The following PTGR2 variants were observed in gnomAD, a reference collection of about 807,000 sequenced individuals.
PTGR2 encodes the protein prostaglandin reductase 2, also known as 15-oxoprostaglandin 13-reductase.
A neutral mutation model predicts 43.4 loss-of-function variants in PTGR2; 32 were observed. The observed-to-expected ratio is 0.74, with a 90% CI of 0.56 to 0.99. PTGR2 has a LOEUF of 0.99. Among genes scored for constraint, PTGR2 ranks in the 50% least tolerant of loss-of-function variants. The pLI is 0.00. For synonymous variants in PTGR2, 106 were observed against 139.2 expected (o/e 0.76, Z 1.68); for missense variants, 373 against 420.0 (o/e 0.89, Z 0.98).
At chr14:73,856,432 G>A (rs1339155194) in intron 1 of PTGR2, among the ~76,000 whole-genome samples, 1 of 151,752 alleles carries the variant, frequency 6.6e-6, no homozygotes, top group Non-Finnish European at 1.5e-5. Context: ...TGTATTTTTA[G>A]TAGAGACAGG....
At chr14:73,880,600 A>AAC (rs2054962457) in intron 7 of PTGR2, among the ~76,000 whole-genome samples, 1 of 88,492 alleles carries the variant, frequency 1.1e-5, no homozygotes, top group Non-Finnish European at 2.9e-5. Flanking sequence ...AAAAAAAAAA[A>AAC]CAAAAAAAAA....
chr14:73,873,939 A>AT (rs750355771), intron 3 of PTGR2, 84 bp from the exon 4 acceptor site: 5 of 1,029,336 alleles, frequency 4.9e-6, no homozygotes, highest in Non-Finnish European at 7.1e-6. Context: ...TATATTACTC[A>AT]TTATATGCTT....
At chr14:73,871,997 C>T (rs887024728) in intron 3 of PTGR2, among the ~76,000 whole-genome samples, 3 of 152,128 alleles carry the variant, frequency 2.0e-5, no homozygotes, top group African/African-American at 7.2e-5. Context: ...GTCTTTTACC[C>T]GTTTTACCTG....
intron 1 of PTGR2, among the ~76,000 whole-genome samples, chr14:73,857,442 G>T (rs1182375467): frequency 1.3e-5 from 2 of 151,302 alleles, no homozygotes; most frequent in Non-Finnish European, 2.9e-5. Context: ...GTGAAACCCT[G>T]TCTCTACTAA....
chr14:73,866,348 A>C (rs11625300), intron 3 of PTGR2, among the ~76,000 whole-genome samples: 60,064 of 151,224 alleles, frequency 0.4, 12,566 homozygotes, highest in Non-Finnish European at 0.46. Context: ...CATGTTGGCC[A>C]GGATGGTCTT....
chr14:73,881,250 C>T lies in PTGR2; in HGVS notation c.897C>T (p.Gly299=), dbSNP rs751360490. ...VLNYKDKFEP[G]ILQLSQWFKE... ...ATTATAAAGACAAATTTGAGCCTGG[C>T]ATTCTACAGCTGAGTCAGTGGTTTA... The change falls in exon 8 of 10, where the codon GGC becomes GGT. Residue 299 remains glycine (G), a synonymous_variant. Coordinates refer to ENST00000555661, the MANE Select transcript of PTGR2 (RefSeq NM_001146154.2). 6.2e-7 allele frequency: 1 copy of T among 1,610,084 alleles called. No homozygotes were observed. Among genetic ancestry groups the T allele is most frequent in the Non-Finnish European group, 8.5e-7 (1 of 1,176,670 alleles).
At chr14:73,865,880 A>AT (rs1050822853) in intron 3 of PTGR2, among the ~76,000 whole-genome samples, 2 of 152,198 alleles carry the variant, frequency 1.3e-5, no homozygotes, top group Admixed American at 1.3e-4. Flanking sequence ...ATGAGGGTTT[A>AT]TTTCTGGACT....
chr14:73,853,195 A>G (rs138650362), intron 1 of PTGR2, among the ~76,000 whole-genome samples: 402 of 150,126 alleles, frequency 2.7e-3, no homozygotes, highest in African/African-American at 9.5e-3. Context: ...AAATAAGGGT[A>G]TTAAAAGGTA....
At chr14:73,860,021 G>A (rs62005576) in intron 2 of PTGR2, among the ~76,000 whole-genome samples, 73,879 of 151,258 alleles carry the variant, frequency 0.49, 18,338 homozygotes, top group South Asian at 0.61. Flanking sequence ...GCTAGTTTTT[G>A]TATTTTTGGT....
Position 73,879,230 on chromosome 14 carries a change from T to A in PTGR2, c.654T>A (p.Arg218=), listed in dbSNP as rs1279459332. 1.2e-6 allele frequency: 2 copies of A among 1,614,148 alleles called. No homozygotes were observed. Among genetic ancestry groups the A allele is most frequent in the Non-Finnish European group, 1.7e-6 (2 of 1,180,026 alleles). ...YKKDNVAEQL[R]ESCPAGVDVY... The stretch of plus-strand genomic sequence containing the variant: ...AAGACAATGTGGCAGAACAGCTCCG[T>A]GAATCATGCCCAGCTGGAGTGGATG... Residue 218 remains arginine, a synonymous_variant, in exon 6 of 10, where the codon CGT becomes CGA. Transcript: ENST00000555661.
At chr14:73,857,037 C>T (rs1002678164) in intron 1 of PTGR2, among the ~76,000 whole-genome samples, 3 of 151,364 alleles carry the variant, frequency 2.0e-5, no homozygotes, top group African/African-American at 7.3e-5. Flanking sequence ...TTTGGGAGGT[C>T]GAGATGGGAG....
rs1003976176 is a variant in PTGR2 at position 73,879,022 on chromosome 14, T to A, written c.520-74T>A. The A allele has an allele frequency of 5.8e-6, 7 of 1,198,590 alleles. No homozygotes were observed. The South Asian group carries it at 9.5e-5, about 16-fold the overall frequency. The allele number at this position is 1,198,590 out of a possible 1,614,324, so 74.2% of individuals were successfully genotyped here. On this transcript the variant is annotated intron_variant, in intron 5 of 9. Transcript: ENST00000555661. ...TGAACACTGTCATATACCTGTAATA[T>A]CTTGTATACTGGTACATTTTTACAT...
At chr14:73,861,700 C>T (rs2054494660) in intron 3 of PTGR2, 1 of 152,024 alleles carries the variant, frequency 6.6e-6, no homozygotes, top group Admixed American at 6.6e-5. Context: ...TGCGCCACTG[C>T]ACTTCCGTTC....
intron 4 of PTGR2, 124 bp downstream of exon 4, chr14:73,874,338 C>T (rs2054806458): frequency 5.4e-6 from 4 of 742,328 alleles, no homozygotes; most frequent in Non-Finnish European, 8.6e-6. Context: ...TAGCTAGCTG[C>T]CAAAATGTGG....
rs765842641 is a variant in PTGR2, at chr14:73,879,232, A to T, written c.656A>T (p.Glu219Val). The stretch of plus-strand genomic sequence containing the variant: ...GACAATGTGGCAGAACAGCTCCGTG[A>T]ATCATGCCCAGCTGGAGTGGATGTT... ...KKDNVAEQLRESCPAGVDVYF... is the reference protein window; with the variant it reads ...KKDNVAEQLRVSCPAGVDVYF... The change falls in exon 6 of 10, where the codon GAA becomes GTA. Residue 219 changes from glutamate to valine, a missense_variant. Glu to Val is a moderately radical substitution (Grantham distance 121). Coordinates refer to ENST00000555661, the MANE Select transcript of PTGR2 (RefSeq NM_001146154.2). 1.7e-5 allele frequency: 28 copies of T among 1,614,002 alleles called. No individual in the cohort carries two copies. The African/African-American group carries it at 3.7e-4, about 22-fold the overall frequency.
At chr14:73,862,540 A>G (rs1375044088) in intron 3 of PTGR2, among the ~76,000 whole-genome samples, 1 of 152,126 alleles carries the variant, frequency 6.6e-6, no homozygotes, top group Non-Finnish European at 1.5e-5. Context: ...GTTGAAACAG[A>G]AGTATATAAA....
chr14:73,875,245 G>A (rs541225963), intron 4 of PTGR2, among the ~76,000 whole-genome samples: 11 of 151,930 alleles, frequency 7.2e-5, no homozygotes, highest in African/African-American at 2.2e-4. Flanking sequence ...CGATCCTCCC[G>A]CCTCAGCCCC....
chr14:73,871,529 T>G, intron 3 of PTGR2, among the ~76,000 whole-genome samples: 1 of 151,802 alleles, frequency 6.6e-6, no homozygotes, highest in East Asian at 1.9e-4. Flanking sequence ...AAGGAGAGGG[T>G]AGAGTGGGGA....
intron 3 of PTGR2, among the ~76,000 whole-genome samples, chr14:73,872,443 C>T (rs750804913): frequency 6.6e-6 from 1 of 152,098 alleles, no homozygotes; most frequent in Non-Finnish European, 1.5e-5. Flanking sequence ...GTGAGTGTAA[C>T]CTAATTGGCC....
Sources: allele counts gnomAD v4.1 joint callset (sites outside exome capture counted in the v4.1 genomes callset), GRCh38; gene constraint gnomAD v4.1.1; transcripts MANE v1.5; gene names NCBI Gene and HGNC (gene_info 2026-07-23, HGNC 2026-07-21).